Variants in TRIM67 observed in about 807,000 individuals in gnomAD.
TRIM67 encodes the protein tripartite motif containing 67, also known as tripartite motif-containing protein 67.
In TRIM67, 39 loss-of-function variants were observed where a neutral mutation model predicts 71.0. That is an observed-to-expected ratio of 0.55 (90% confidence interval 0.43 to 0.72). TRIM67 has a LOEUF of 0.72. Ranked by LOEUF, TRIM67 falls within the 30% of genes least tolerant of loss-of-function variation. TRIM67 has a pLI of 0.00. For synonymous variants in TRIM67, 481 were observed against 473.9 expected, an observed-to-expected ratio of 1.01 and a Z score of -0.19; for missense variants, 973 against 1,079.2, an observed-to-expected ratio of 0.90 and a Z score of 1.38.
At chr1:231,169,715 A>G (rs1236162118) in intron 1 of TRIM67, among the ~76,000 whole-genome samples, 1 of 151,526 alleles carries the variant, frequency 6.6e-6, no homozygotes, top group Non-Finnish European at 1.5e-5. Flanking sequence ...TCTTTTACCA[A>G]CTCTAAAGTT....
intron 1 of TRIM67, chr1:231,185,168 A>T: frequency 1.3e-6 from 2 of 1,532,466 alleles, no homozygotes; most frequent in Non-Finnish European, 1.7e-6. Flanking sequence ...GCCAGCCTGT[A>T]CTCCACGGCG....
At chr1:231,189,052 C>T (rs781476534) in intron 1 of TRIM67, among the ~76,000 whole-genome samples, 5 of 152,156 alleles carry the variant, frequency 3.3e-5, no homozygotes, top group Middle Eastern at 3.2e-3. Context: ...ACAAAGCTGA[C>T]GATCCAGGTA....
intron 1 of TRIM67, among the ~76,000 whole-genome samples, chr1:231,176,870 TTCAG>T (rs2102721506): frequency 7.0e-6 from 1 of 142,678 alleles, no homozygotes; most frequent in South Asian, 2.2e-4. Context: ...TCTTGTAAAT[TTCAG>T]TCATTTTACC....
chr1:231,183,633 A>G (rs747408831), intron 1 of TRIM67, among the ~76,000 whole-genome samples: 7 of 151,366 alleles, frequency 4.6e-5, no homozygotes, highest in Non-Finnish European at 8.8e-5. Flanking sequence ...AACAAAAAGC[A>G]AAAAATATTG....
At chr1:231,212,799 C>T (rs1351337632) in intron 8 of TRIM67, among the ~76,000 whole-genome samples, 1 of 152,158 alleles carries the variant, frequency 6.6e-6, no homozygotes, top group Non-Finnish European at 1.5e-5. Flanking sequence ...CAAGCCCCCC[C>T]TTGGGAGCAT....
chr1:231,185,041 G>A (rs1683025429), intron 1 of TRIM67: 3 of 1,532,998 alleles, frequency 2.0e-6, no homozygotes, highest in South Asian at 2.4e-5. Flanking sequence ...CAGGGCCTAG[G>A]CTAGTGTGGA....
At chr1:231,164,925 T>C (rs530213163) in intron 1 of TRIM67, among the ~76,000 whole-genome samples, 11 of 152,354 alleles carry the variant, frequency 7.2e-5, no homozygotes, top group African/African-American at 1.7e-4. Context: ...TAATTTAACA[T>C]TTTAGAATAA....
At chr1:231,174,508 G>A (rs1388765264) in intron 1 of TRIM67, among the ~76,000 whole-genome samples, 1 of 151,398 alleles carries the variant, frequency 6.6e-6, no homozygotes, top group East Asian at 1.9e-4. Flanking sequence ...CACTTTTTTT[G>A]TTTCTTTGTG....
Position 231,217,972 on chromosome 1 carries a change from T to C in TRIM67, c.*2532T>C. On this transcript the variant is annotated 3_prime_UTR_variant, in exon 10 of 10. Transcript: ENST00000366653. ...TTGGGGGCTGGGATTCTCCCTTTTC[T>C]GACTCCTCCAGGAGCCCAGAAGCAA... 1 of 1,243,160 alleles carries C rather than the reference T, an allele frequency of 8.0e-7. No homozygotes were observed. Among genetic ancestry groups the C allele is most frequent in the Admixed American group, 2.7e-5 (1 of 36,926 alleles). 77.0% of individuals were successfully genotyped at this position (1,243,160 alleles called of 1,614,324 possible).
intron 7 of TRIM67, 62 bp downstream of exon 7, chr1:231,206,852 A>T: frequency 6.7e-7 from 1 of 1,489,854 alleles, no homozygotes; most frequent in Non-Finnish European, 9.0e-7. Flanking sequence ...TGACAACCAG[A>T]CAGCCACTTG....
chr1:231,184,746 T>C, intron 1 of TRIM67: 1 of 495,604 alleles, frequency 2.0e-6, no homozygotes, highest in Non-Finnish European at 3.6e-6. Flanking sequence ...GGGTTCTCAT[T>C]CTACCGAGAA....
In TRIM67 at chr1:231,209,007, A is replaced by G; in HGVS notation, c.1880A>G (p.Asn627Ser). The G allele has an allele frequency of 1.2e-6, 2 of 1,612,266 alleles. No homozygotes were observed. Among genetic ancestry groups the G allele is most frequent in the Non-Finnish European group, 1.7e-6 (2 of 1,178,698 alleles). ...CGGGACATCATTTTATCCAATGACA[A>G]CCAGACAGCCACCTGCAGCAGCTAT... Reference protein sequence around the residue: ...GHRDIILSNDNQTATCSSYDD... With the variant: ...GHRDIILSNDSQTATCSSYDD... Residue 627 changes from asparagine (N) to serine (S), a missense_variant, in exon 8 of 10, where the codon AAC becomes AGC. Around this residue, in one of 2 missense-constraint regions of TRIM67, gnomAD observed 178 missense variants for 247.9 expected, o/e 0.72. Coordinates refer to ENST00000366653, the MANE Select transcript of TRIM67 (RefSeq NM_001004342.5). The surrounding 1 kb of genome is among the most constrained non-coding windows in gnomAD (Gnocchi z 4.1).
chr1:231,185,453 C>A (rs1162380299), intron 1 of TRIM67, among the ~76,000 whole-genome samples: 3 of 151,826 alleles, frequency 2.0e-5, no homozygotes, highest in Non-Finnish European at 2.9e-5. Flanking sequence ...GTTCCAGCCC[C>A]CAGTGCAGGA....
At chr1:231,166,147 T>G (rs1682457357) in intron 1 of TRIM67, among the ~76,000 whole-genome samples, 1 of 152,168 alleles carries the variant, frequency 6.6e-6, no homozygotes, top group Admixed American at 6.5e-5. Context: ...CCCCCTCGAG[T>G]GGGCAGTGTA....
chr1:231,184,680 G>A, intron 1 of TRIM67: 1 of 349,514 alleles, frequency 2.9e-6, no homozygotes, highest in East Asian at 6.3e-5. Context: ...GAGGATAATG[G>A]AAGGTCAACA....
intron 1 of TRIM67, among the ~76,000 whole-genome samples, chr1:231,182,443 A>G (rs1682931247): frequency 6.6e-6 from 1 of 152,198 alleles, no homozygotes; most frequent in Non-Finnish European, 1.5e-5. Flanking sequence ...TTACAGTAGA[A>G]CAGAAAGAGA....
Position 231,162,563 on chromosome 1 carries a change from TGAAGCAGCGAGCGCACAGCAG to T in TRIM67, c.-406_-386del, listed in dbSNP as rs886116148. On this transcript the variant is annotated 5_prime_UTR_variant, in exon 1 of 10. Transcript: ENST00000366653. ...GTAGCCGCCCACCGGAGCCAGGGGCTGAAGCAGCGAGCGCACAGCAGCCCGGCCGCTGGTCCTGGGGTGGAG... is the reference window on the plus strand; with the variant it reads ...GTAGCCGCCCACCGGAGCCAGGGGCTCCCGGCCGCTGGTCCTGGGGTGGAG... 2.0e-5 allele frequency: 4 copies of T among 203,364 alleles called. No individual in the cohort carries two copies. The highest frequency in any genetic ancestry group is 3.9e-5 in the Non-Finnish European group (4 of 101,774). The allele number at this position is 203,364 out of a possible 1,614,324, so 12.6% of individuals were successfully genotyped here.
intron 1 of TRIM67, among the ~76,000 whole-genome samples, chr1:231,188,741 T>G (rs571207646): frequency 1.3e-5 from 2 of 152,318 alleles, no homozygotes; most frequent in South Asian, 4.1e-4. Context: ...TGCTAGGTTA[T>G]GAGGAATCAG....
At chr1:231,173,357 G>A (rs1682661675) in intron 1 of TRIM67, among the ~76,000 whole-genome samples, 1 of 152,156 alleles carries the variant, frequency 6.6e-6, no homozygotes, top group South Asian at 2.1e-4. Flanking sequence ...AACCAGCCAG[G>A]GTAACATAAC....
Sources: gnomAD v4.1 joint callset for allele counts (sites outside exome capture counted in the v4.1 genomes callset) on GRCh38, gnomAD v4.1.1 for gene constraint, gnomAD v4.1.1 regional missense constraint, Gnocchi (gnomAD v3.1) non-coding constraint, MANE v1.5 for transcripts, NCBI Gene and HGNC (gene_info 2026-07-23, HGNC 2026-07-21) for gene names.